LHFPL2: variants seen among roughly 807,000 people sequenced by gnomAD.
LHFPL2 encodes the protein LHFPL tetraspan subfamily member 2.
In LHFPL2, 7 loss-of-function variants were observed where a neutral mutation model predicts 17.5. The ratio of observed to expected loss-of-function variants is 0.40; its 90% CI spans 0.23 to 0.75. LHFPL2 has a LOEUF of 0.75. LHFPL2 is among the 30% of genes least tolerant of loss of function. The pLI is 0.37. For synonymous variants in LHFPL2, 134 were observed against 116.2 expected, an observed-to-expected ratio of 1.15 and a Z score of -0.99; for missense variants, 241 against 294.8, an observed-to-expected ratio of 0.82 and a Z score of 1.34.
At chr5:78,585,958 C>A (rs931677401) in intron 2 of LHFPL2, among the ~76,000 whole-genome samples, 2 of 152,140 alleles carry the variant, frequency 1.3e-5, no homozygotes, top group East Asian at 1.9e-4. Flanking sequence ...GGTCATGGAA[C>A]ATCAGAGCTT....
intron 2 of LHFPL2, among the ~76,000 whole-genome samples, chr5:78,578,678 G>C (rs1042203363): frequency 6.6e-6 from 1 of 152,012 alleles, no homozygotes; most frequent in Non-Finnish European, 1.5e-5. Context: ...TCTGCCTAGA[G>C]ACATGTACTT....
chr5:78,572,457 T>C (rs942604707), intron 2 of LHFPL2, among the ~76,000 whole-genome samples: 84 of 141,740 alleles, frequency 5.9e-4, no homozygotes, highest in African/African-American at 2.5e-3. Context: ...TATATATGTA[T>C]GTGTATATAC....
chr5:78,567,319 G>A (rs1334397001), intron 2 of LHFPL2, among the ~76,000 whole-genome samples: 3 of 152,124 alleles, frequency 2.0e-5, no homozygotes, highest in African/African-American at 7.2e-5. Context: ...ATAAAAACAT[G>A]CCAGTTCTGT....
intron 2 of LHFPL2, among the ~76,000 whole-genome samples, chr5:78,567,168 T>TA (rs1232444899): frequency 2.3e-4 from 35 of 152,328 alleles, no homozygotes; most frequent in African/African-American, 7.5e-4. Context: ...ACACTGACAG[T>TA]AAAAAGCATT....
chr5:78,633,943 G>A (rs1324756444), intron 1 of LHFPL2, among the ~76,000 whole-genome samples: 1 of 152,098 alleles, frequency 6.6e-6, no homozygotes, highest in Non-Finnish European at 1.5e-5. Flanking sequence ...GGCTCCATGT[G>A]GTTTTATTAG....
intron 1 of LHFPL2, among the ~76,000 whole-genome samples, chr5:78,635,246 A>C (rs1745392316): frequency 6.6e-6 from 1 of 152,228 alleles, no homozygotes; most frequent in African/African-American, 2.4e-5. Flanking sequence ...GAACTCTGCA[A>C]ATGTAATGAC....
At chr5:78,528,239 G>T (rs1032967139) in intron 3 of LHFPL2, among the ~76,000 whole-genome samples, 8 of 152,148 alleles carry the variant, frequency 5.3e-5, no homozygotes, top group Admixed American at 5.2e-4. Context: ...TATCGCAGGG[G>T]TCCCCAACCC....
chr5:78,550,231 G>A (rs548435105), intron 3 of LHFPL2, among the ~76,000 whole-genome samples: 2 of 152,182 alleles, frequency 1.3e-5, no homozygotes, highest in Non-Finnish European at 2.9e-5. Flanking sequence ...AAAAGAAAAG[G>A]CTCATCCATC....
At position 78,509,923 on chromosome 5, in the gene LHFPL2, C is replaced by A; in HGVS notation, c.291G>T (p.Trp97Cys). 6.2e-7 allele frequency: 1 copy of A among 1,613,620 alleles called. No individual in the cohort carries two copies. The highest frequency in any genetic ancestry group is 1.1e-5 in the South Asian group (1 of 91,086). Residue 97 changes from tryptophan (W) to cysteine (C), a missense_variant, in exon 4 of 5, where the codon TGG (tryptophan) becomes TGT (cysteine). By Grantham distance (215) the Trp-to-Cys change is radical. Transcript: ENST00000380345. ...CAGCCAGGAAAATAGCTGTGGCCTG[C>A]CAGAAGCCGCTGGCGATCTCGCCGA... The part of the protein sequence containing the change: ...ESFGEIASGF[W>C]QATAIFLAVG...
At chr5:78,490,534 C>T (rs553988719) in intron 4 of LHFPL2, among the ~76,000 whole-genome samples, 12 of 152,054 alleles carry the variant, frequency 7.9e-5, no homozygotes, top group African/African-American at 1.7e-4. Context: ...GGGTGGATCA[C>T]GAGGTCAAGA....
intron 2 of LHFPL2, among the ~76,000 whole-genome samples, chr5:78,585,990 T>A (rs1430636237): frequency 2.6e-5 from 4 of 152,134 alleles, no homozygotes; most frequent in African/African-American, 9.7e-5. Context: ...AGTAATAAGG[T>A]CATTTTTTAA....
At chr5:78,561,759 CAGAGA>C (rs1756733909) in intron 3 of LHFPL2, among the ~76,000 whole-genome samples, 2 of 152,190 alleles carry the variant, frequency 1.3e-5, no homozygotes, top group Admixed American at 1.3e-4. Flanking sequence ...CATTTACTCT[CAGAGA>C]AATCAGGTGA....
intron 4 of LHFPL2, among the ~76,000 whole-genome samples, chr5:78,493,690 A>C (rs1754519087): frequency 6.6e-6 from 1 of 152,242 alleles, no homozygotes; most frequent in Non-Finnish European, 1.5e-5. Context: ...ATGTGTCAGC[A>C]AGAAAGAAAA....
chr5:78,487,854 CTT>C lies in LHFPL2; in HGVS notation c.*1041_*1042del, dbSNP rs1754299315. 6.6e-6 allele frequency: 1 copy of C among 152,202 alleles called. No homozygotes were observed. Among genetic ancestry groups the C allele is most frequent in the African/African-American group, 2.4e-5 (1 of 41,448 alleles). 9.4% of individuals were successfully genotyped at this position (152,202 alleles called of 1,614,324 possible). On this transcript the variant is annotated 3_prime_UTR_variant, in exon 5 of 5. Coordinates refer to ENST00000380345, the MANE Select transcript of LHFPL2 (RefSeq NM_005779.3). Reference sequence around the variant, plus strand: ...GGATCAACACCAGTAACTACAAAAACTTAACTCCCATAACTAGCTTCTTTTTG... The same window carrying C: ...GGATCAACACCAGTAACTACAAAAACAACTCCCATAACTAGCTTCTTTTTG...
chr5:78,562,019 T>G (rs1756742158), intron 3 of LHFPL2, among the ~76,000 whole-genome samples: 1 of 152,118 alleles, frequency 6.6e-6, no homozygotes. Flanking sequence ...GAGGCACAGG[T>G]GGTAAGAGAT....
At chr5:78,494,845 G>A (rs184506574) in intron 4 of LHFPL2, among the ~76,000 whole-genome samples, 1 of 152,186 alleles carries the variant, frequency 6.6e-6, no homozygotes, top group South Asian at 2.1e-4. Context: ...GGCTCCGTGA[G>A]GGCAGAGGCT....
At chr5:78,495,077 G>A (rs1219384448) in intron 4 of LHFPL2, among the ~76,000 whole-genome samples, 11 of 152,194 alleles carry the variant, frequency 7.2e-5, no homozygotes, top group African/African-American at 2.4e-4. Flanking sequence ...GGGAAGAAAA[G>A]CATTTCCATA....
intron 2 of LHFPL2, among the ~76,000 whole-genome samples, chr5:78,585,744 G>A (rs1184243470): frequency 6.6e-6 from 1 of 152,172 alleles, no homozygotes; most frequent in Non-Finnish European, 1.5e-5. Flanking sequence ...TATATGCCGG[G>A]CACTGTGCTA....
At chr5:78,618,077 G>A (rs547436757) in intron 2 of LHFPL2, among the ~76,000 whole-genome samples, 16 of 152,116 alleles carry the variant, frequency 1.1e-4, no homozygotes, top group East Asian at 3.9e-4. Context: ...GGTGGCAGGC[G>A]CCTGTAATTC....
Sources: allele counts gnomAD v4.1 joint callset (sites outside exome capture counted in the v4.1 genomes callset), GRCh38; gene constraint gnomAD v4.1.1; transcripts MANE v1.5; gene names NCBI Gene and HGNC (gene_info 2026-07-23, HGNC 2026-07-21).